The following GCNT2 variants were observed in gnomAD, a reference collection of about 807,000 sequenced individuals.
GCNT2 encodes glucosaminyl (N-acetyl) transferase 2 (I blood group).
GCNT2 carries 34 observed loss-of-function variants against 34.2 expected under a neutral mutation model. The ratio of observed to expected loss-of-function variants is 1.00; its 90% confidence interval spans 0.76 to 1.32. The LOEUF (loss-of-function observed/expected upper bound fraction) is 1.32. GCNT2 is among the 40% of genes most tolerant of loss of function. The probability of loss-of-function intolerance (pLI) is 0.00; values close to 1 mark genes in which losing one functional copy is unlikely to be tolerated. For synonymous variants in GCNT2, 212 were observed against 188.0 expected, an observed-to-expected ratio of 1.13 and a Z score of -1.04; for missense variants, 584 against 489.4, an observed-to-expected ratio of 1.19 and a Z score of -1.82.
chr6:10,571,229 T>G (rs1763540021), intron 3 of GCNT2, among the ~76,000 whole-genome samples: 2 of 152,212 alleles, frequency 1.3e-5, no homozygotes, highest in Admixed American at 6.5e-5. Flanking sequence ...CCCATATGTT[T>G]CTATTAATCC....
intron 3 of GCNT2, among the ~76,000 whole-genome samples, chr6:10,550,939 C>A (rs1392403800): frequency 6.6e-6 from 1 of 152,180 alleles, no homozygotes; most frequent in East Asian, 1.9e-4. Context: ...TACAGACACA[C>A]CCAATTTGGC....
intron 3 of GCNT2, among the ~76,000 whole-genome samples, chr6:10,606,351 T>C (rs9466917): frequency 0.45 from 68,322 of 151,906 alleles, 17,201 homozygotes; most frequent in East Asian, 0.64. Context: ...CAAAAGCAAG[T>C]CACATGGCCA....
At chr6:10,584,977 T>C (rs487689) in intron 3 of GCNT2, among the ~76,000 whole-genome samples, 27,195 of 151,122 alleles carry the variant, frequency 0.18, 3,009 homozygotes, top group African/African-American at 0.29. Flanking sequence ...CTTCCACCCT[T>C]GTGTCCTGCC....
chr6:10,530,830 G>A (rs1010885939), intron 3 of GCNT2, among the ~76,000 whole-genome samples: 18 of 151,828 alleles, frequency 1.2e-4, no homozygotes, highest in South Asian at 2.1e-4. Context: ...TGAAGTGGGC[G>A]GATCACAAGG....
rs1408132253 is a variant in GCNT2 at position 10,577,500 on chromosome 6, ATTCCATGG to A, written c.926-43840_926-43833del. Reference sequence around the variant, plus strand: ...TCATGGGCCAAGTTAAGGGGCTCGAATTCCATGGTTCCATGGTTTGTTGAATGCGTTTA... The same window carrying A: ...TCATGGGCCAAGTTAAGGGGCTCGAATTCCATGGTTTGTTGAATGCGTTTA... On this transcript the variant is annotated intron_variant, in intron 3 of 4. Coordinates refer to ENST00000495262, the MANE Select transcript of GCNT2 (RefSeq NM_145649.5). Among the ~76,000 whole-genome samples, 17 of 152,290 alleles carry A rather than the reference ATTCCATGG, an allele frequency of 1.1e-4. No homozygotes were observed. The East Asian group carries it at 3.3e-3, about 29-fold the overall frequency.
At chr6:10,543,616 C>CT (rs1762134828) in intron 3 of GCNT2, among the ~76,000 whole-genome samples, 1 of 152,152 alleles carries the variant, frequency 6.6e-6, no homozygotes, top group South Asian at 2.1e-4. Context: ...TTGTTATTGT[C>CT]TATCTTTTTT....
intron 3 of GCNT2, among the ~76,000 whole-genome samples, chr6:10,578,703 C>A (rs1399768057): frequency 2.0e-5 from 3 of 152,092 alleles, no homozygotes; most frequent in Non-Finnish European, 4.4e-5. Context: ...GCCTTGGCCT[C>A]CCAAAGTACT....
chr6:10,588,607 A>T (rs187542907), intron 3 of GCNT2, among the ~76,000 whole-genome samples: 341 of 152,304 alleles, frequency 2.2e-3, no homozygotes, highest in Non-Finnish European at 3.6e-3. Flanking sequence ...TTTCCTGCAG[A>T]ATCCCGAAAA....
chr6:10,559,072 C>CTTTTTTT (rs55637072), intron 3 of GCNT2, among the ~76,000 whole-genome samples: 1 of 122,502 alleles, frequency 8.2e-6, no homozygotes. Flanking sequence ...TAAATTGTTG[C>CTTTTTTT]TTTTTTTTTT....
intron 3 of GCNT2, among the ~76,000 whole-genome samples, chr6:10,532,897 A>G (rs1761562524): frequency 8.0e-6 from 1 of 125,692 alleles, no homozygotes; most frequent in African/African-American, 3.1e-5. Context: ...GTTGATGTGT[A>G]TATGTTGTGG....
At chr6:10,596,692 G>C (rs1253106490) in intron 3 of GCNT2, among the ~76,000 whole-genome samples, 1 of 150,256 alleles carries the variant, frequency 6.7e-6, no homozygotes, top group Non-Finnish European at 1.5e-5. Flanking sequence ...AAGTTCCCTT[G>C]TTTTCATCTC....
At chr6:10,576,666 A>G (rs1763828179) in intron 3 of GCNT2, among the ~76,000 whole-genome samples, 1 of 151,200 alleles carries the variant, frequency 6.6e-6, no homozygotes, top group Non-Finnish European at 1.5e-5. Flanking sequence ...TCAATAGGAC[A>G]GAGACAGAAA....
At chr6:10,577,059 T>C (rs1464530717) in intron 3 of GCNT2, among the ~76,000 whole-genome samples, 5 of 152,182 alleles carry the variant, frequency 3.3e-5, no homozygotes, top group South Asian at 2.1e-4. Context: ...GCCTGGGTGA[T>C]AGAGCGAGAT....
At chr6:10,530,009 C>G (rs1761407645) in intron 3 of GCNT2, 173 bp downstream of exon 3, 1 of 619,210 alleles carries the variant, frequency 1.6e-6, no homozygotes, top group Admixed American at 2.6e-5. Flanking sequence ...TGTTATATCA[C>G]CCACTCTTGT....
At chr6:10,597,191 T>C (rs1167788469) in intron 3 of GCNT2, among the ~76,000 whole-genome samples, 1 of 141,190 alleles carries the variant, frequency 7.1e-6, no homozygotes, top group African/African-American at 2.6e-5. Context: ...GATCTTACTC[T>C]ATCACCCAGG....
At chr6:10,584,175 G>A (rs1242737738) in intron 3 of GCNT2, among the ~76,000 whole-genome samples, 1 of 152,162 alleles carries the variant, frequency 6.6e-6, no homozygotes, top group Non-Finnish European at 1.5e-5. Flanking sequence ...GGGCTATAGG[G>A]TGAAGGTGGG....
At chr6:10,533,133 C>T (rs1473442766) in intron 3 of GCNT2, among the ~76,000 whole-genome samples, 3 of 151,472 alleles carry the variant, frequency 2.0e-5, no homozygotes, top group African/African-American at 7.3e-5. Context: ...ATGGTGAAAC[C>T]TATCTCTACT....
Position 10,529,742 on chromosome 6 carries a change from C to T in GCNT2, c.831C>T (p.Val277=), listed in dbSNP as rs781147997. 3.1e-6 allele frequency: 5 copies of T among 1,614,140 alleles called. No homozygotes were observed. The South Asian group carries it at 5.5e-5, about 18-fold the overall frequency. Residue 277 remains valine (V), a synonymous_variant, in exon 3 of 5, where the codon GTC becomes GTT. Coordinates refer to ENST00000495262, the MANE Select transcript of GCNT2 (RefSeq NM_145649.5). ...VALTRDFANF[V]LQDQLALDLL... is the part of the protein sequence containing the mutation. The stretch of plus-strand genomic sequence containing the variant: ...TCACAAGGGACTTTGCTAACTTCGT[C>T]CTCCAAGACCAGCTCGCACTTGACT...
At chr6:10,582,428 A>C (rs1764151340) in intron 3 of GCNT2, among the ~76,000 whole-genome samples, 1 of 126,888 alleles carries the variant, frequency 7.9e-6, no homozygotes, top group South Asian at 2.2e-4. Context: ...ATTATATACT[A>C]TAATTTAATA....
Sources: allele counts gnomAD v4.1 joint callset (sites outside exome capture counted in the v4.1 genomes callset), GRCh38; gene constraint gnomAD v4.1.1; transcripts MANE v1.5; gene names NCBI Gene and HGNC (gene_info 2026-07-23, HGNC 2026-07-21).